MARCHF8: variants seen among roughly 807,000 people sequenced by gnomAD.
The protein encoded by MARCHF8 is E3 ubiquitin-protein ligase MARCHF8.
MARCHF8 carries 40 observed loss-of-function variants against 51.6 expected under a neutral mutation model. The observed-to-expected ratio is 0.77, with a 90% confidence interval of 0.60 to 1.01. The LOEUF is 1.01. Among genes scored for constraint, MARCHF8 ranks in the 50% least tolerant of loss-of-function variants. The probability of loss-of-function intolerance (pLI) is 0.00; values close to 1 mark genes in which losing one functional copy is unlikely to be tolerated. For synonymous variants in MARCHF8, 263 were observed against 280.3 expected (o/e 0.94, Z 0.62); for missense variants, 685 against 708.6 (o/e 0.97, Z 0.38).
intron 1 of MARCHF8, among the ~76,000 whole-genome samples, chr10:45,555,463 G>A (rs564460270): frequency 3.9e-5 from 6 of 152,130 alleles, no homozygotes; most frequent in South Asian, 2.1e-4. Context: ...CTGGCTGGGC[G>A]TGATGGCTCA....
intron 1 of MARCHF8, among the ~76,000 whole-genome samples, chr10:45,575,027 T>C (rs2044473595): frequency 6.6e-6 from 1 of 151,582 alleles, no homozygotes; most frequent in Non-Finnish European, 1.5e-5. Context: ...ACCTCTTTAA[T>C]AAAAACTCTT....
chr10:45,503,267 G>A (rs907590264), intron 2 of MARCHF8, among the ~76,000 whole-genome samples: 5 of 152,164 alleles, frequency 3.3e-5, no homozygotes, highest in Non-Finnish European at 7.3e-5. Flanking sequence ...GCCGGGCACG[G>A]TGGCTCACAC....
chr10:45,463,713 C>T lies in MARCHF8; in HGVS notation c.526G>A (p.Glu176Lys). 1 of 1,551,104 alleles carries T rather than the reference C, an allele frequency of 6.4e-7. No homozygotes were observed. The highest frequency in any genetic ancestry group is 2.4e-5 in the East Asian group (1 of 40,932). ...AATTTCCCTTCAGAACAAGTTCTTT[C>T]CACATAGGCAAAACTTTCTGAAGTA... ...QDTSESFAYV[E>K]RTCSEGKLIL... Residue 176 changes from glutamate (E) to lysine (K), a missense_variant, in exon 5 of 8, where the codon GAA (glutamate) becomes AAA (lysine). Glu to Lys is a moderately conservative substitution (Grantham distance 56). Coordinates refer to ENST00000453424, the MANE Select transcript of MARCHF8 (RefSeq NM_001282866.2).
At chr10:45,513,304 T>G (rs2043564536) in intron 2 of MARCHF8, among the ~76,000 whole-genome samples, 1 of 152,184 alleles carries the variant, frequency 6.6e-6, no homozygotes, top group Admixed American at 6.5e-5. Flanking sequence ...GCAAGTAACC[T>G]TTCTAGAAAG....
At chr10:45,549,081 G>A (rs1459569978) in intron 1 of MARCHF8, among the ~76,000 whole-genome samples, 1 of 152,098 alleles carries the variant, frequency 6.6e-6, no homozygotes, top group Non-Finnish European at 1.5e-5. Context: ...GCAGAGAACA[G>A]TGTCTGATCC....
At chr10:45,537,757 C>G (rs1271922982), upstream of MARCHF8, among the ~76,000 whole-genome samples, 1 of 151,870 alleles carries the variant, frequency 6.6e-6, no homozygotes, top group African/African-American at 2.4e-5. Flanking sequence ...GGAGATAAAT[C>G]TATAGAGACA....
chr10:45,588,867 A>G (rs1320831720), intron 1 of MARCHF8, among the ~76,000 whole-genome samples: 3 of 151,758 alleles, frequency 2.0e-5, no homozygotes, highest in African/African-American at 4.8e-5. Flanking sequence ...GCATGGTGGC[A>G]GGTGCCTGTA....
intron 2 of MARCHF8, among the ~76,000 whole-genome samples, chr10:45,506,715 A>C (rs1054061339): frequency 3.3e-5 from 5 of 152,212 alleles, no homozygotes; most frequent in Admixed American, 6.5e-5. Context: ...TTGTGTGAGC[A>C]AGAAAGCTTT....
chr10:45,461,433 T>C (rs780715501), intron 5 of MARCHF8, 22 bp from the exon 6 acceptor site: 42 of 1,519,308 alleles, frequency 2.8e-5, no homozygotes, highest in Non-Finnish European at 1.9e-5. Context: ...GGAAAACCTG[T>C]CATTCCAAGG....
intron 2 of MARCHF8, among the ~76,000 whole-genome samples, chr10:45,511,511 G>A (rs1450143823): frequency 6.6e-6 from 1 of 152,156 alleles, no homozygotes; most frequent in Non-Finnish European, 1.5e-5. Context: ...CTCCCTGCCT[G>A]ATTCTCCTGC....
At chr10:45,492,803 T>A (rs1376620004) in intron 2 of MARCHF8, among the ~76,000 whole-genome samples, 10 of 152,226 alleles carry the variant, frequency 6.6e-5, no homozygotes. Context: ...CATATGCCAA[T>A]GATAATATTG....
At chr10:45,584,225 TGAAA>T (rs896934193) in intron 1 of MARCHF8, among the ~76,000 whole-genome samples, 1 of 144,910 alleles carries the variant, frequency 6.9e-6, no homozygotes, top group African/African-American at 2.6e-5. Flanking sequence ...TTTTCATCAA[TGAAA>T]GAATGAACAA....
chr10:45,464,352 T>C, intron 3 of MARCHF8, 25 bp from the exon 4 acceptor site: 1 of 1,607,986 alleles, frequency 6.2e-7, no homozygotes, highest in Middle Eastern at 1.7e-4. Flanking sequence ...CTGTGGTCAG[T>C]GTTCAGGTAA....
In MARCHF8 at chr10:45,550,103, G is replaced by A. The variant is rs572094019; in HGVS notation, c.-78-16814C>T. On this transcript the variant is annotated intron_variant, in intron 1 of 6. Transcript: ENST00000319836. Reference sequence around the variant, plus strand: ...TAACAATTTACCACATGTTGTTTTCGCTGCTTTTTCCTCTGATAATAATAG... The same window carrying A: ...TAACAATTTACCACATGTTGTTTTCACTGCTTTTTCCTCTGATAATAATAG... Among the ~76,000 whole-genome samples, 12 of 152,162 alleles carry A rather than the reference G, an allele frequency of 7.9e-5. No homozygotes were observed. The East Asian group carries it at 1.2e-3, about 15-fold the overall frequency.
chr10:45,477,890 C>T (rs2042815407), intron 3 of MARCHF8, among the ~76,000 whole-genome samples: 1 of 152,102 alleles, frequency 6.6e-6, no homozygotes, highest in South Asian at 2.1e-4. Flanking sequence ...ACATCTGCAC[C>T]CTACACCAGA....
In MARCHF8 at chr10:45,467,151, T is replaced by C. The variant is rs188654138; in HGVS notation, c.154-2824A>G. 4.9e-4 allele frequency among the ~76,000 whole-genome samples: 75 copies of C among 152,330 alleles called. No individual in the cohort carries two copies. In the South Asian group the frequency reaches 9.5e-3, roughly 19 times the overall value. On this transcript the variant is annotated intron_variant, in intron 3 of 7. Coordinates refer to ENST00000453424, the MANE Select transcript of MARCHF8 (RefSeq NM_001282866.2). ...GCATCCTCTGCCTACATTTCTGCTCTCATTTCACCATTTCCAATCTTATGA... is the reference window on the plus strand; with the variant it reads ...GCATCCTCTGCCTACATTTCTGCTCCCATTTCACCATTTCCAATCTTATGA...
chr10:45,584,703 T>C (rs1469858918), intron 1 of MARCHF8, among the ~76,000 whole-genome samples: 3 of 151,986 alleles, frequency 2.0e-5, no homozygotes, highest in Non-Finnish European at 4.4e-5. Flanking sequence ...ATCTAGATTA[T>C]CCCAGTGGAC....
At chr10:45,499,316 C>T (rs2043233745) in intron 2 of MARCHF8, among the ~76,000 whole-genome samples, 1 of 152,142 alleles carries the variant, frequency 6.6e-6, no homozygotes, top group African/African-American at 2.4e-5. Flanking sequence ...TGTAGGAGTT[C>T]TTTATATATT....
chr10:45,566,514 A>G (rs372504153), intron 1 of MARCHF8, among the ~76,000 whole-genome samples: 3 of 152,200 alleles, frequency 2.0e-5, no homozygotes, highest in Non-Finnish European at 2.9e-5. Flanking sequence ...ATAAGTGAGA[A>G]CACGCAAGGC....
Sources: allele counts gnomAD v4.1 joint callset (sites outside exome capture counted in the v4.1 genomes callset), GRCh38; gene constraint gnomAD v4.1.1; transcripts MANE v1.5; gene names NCBI Gene and HGNC (gene_info 2026-07-23, HGNC 2026-07-21).